The following RBFOX3 variants were observed in gnomAD, a reference collection of about 807,000 sequenced individuals.
RBFOX3 encodes RNA binding protein fox-1 homolog 3.
Under a neutral mutation model 48.7 loss-of-function variants are expected in RBFOX3, and 17 were observed. The observed-to-expected ratio is 0.35, with a 90% CI of 0.24 to 0.52. The LOEUF (loss-of-function observed/expected upper bound fraction) is 0.52. Among genes scored for constraint, RBFOX3 ranks in the 20% least tolerant of loss-of-function variants. RBFOX3 has a pLI of 0.94. For synonymous variants in RBFOX3, 212 were observed against 209.5 expected (o/e 1.01, Z -0.10); for missense variants, 382 against 497.5 (o/e 0.77, Z 2.21).
intron 1 of RBFOX3, among the ~76,000 whole-genome samples, chr17:79,509,038 A>T (rs2083648661): frequency 6.6e-6 from 1 of 152,138 alleles, no homozygotes; most frequent in African/African-American, 2.4e-5. Flanking sequence ...AGGCTGACGA[A>T]GTCAGAGCCC....
intron 1 of RBFOX3, among the ~76,000 whole-genome samples, chr17:79,563,517 T>C (rs1853841192): frequency 6.6e-6 from 1 of 152,254 alleles, no homozygotes; most frequent in South Asian, 2.1e-4. Context: ...GGAGTGCCTG[T>C]TTCACCACAA....
rs2088636235 is a variant in RBFOX3 at position 79,535,857 on chromosome 17, C to G, written c.-319-53259G>C. Among the ~76,000 whole-genome samples the G allele has an allele frequency of 6.6e-6, 1 of 152,224 alleles. No homozygotes were observed. The highest frequency in any genetic ancestry group is 2.1e-4 in the South Asian group (1 of 4,808). On this transcript the variant is annotated intron_variant, in intron 1 of 14. Coordinates refer to ENST00000693108, the MANE Select transcript of RBFOX3 (RefSeq NM_001350451.2). The surrounding 1 kb of genome is among the most constrained non-coding windows in gnomAD (Gnocchi z 4.5). ...GGGCCGTGGGTTGATCTCTGCTCCCCCTCAGTCACAAACCCACTCCTGGTT... is the reference window on the plus strand; with the variant it reads ...GGGCCGTGGGTTGATCTCTGCTCCCGCTCAGTCACAAACCCACTCCTGGTT...
At chr17:79,388,668 T>A (rs1327844042) in intron 2 of RBFOX3, among the ~76,000 whole-genome samples, 1 of 152,174 alleles carries the variant, frequency 6.6e-6, no homozygotes, top group African/African-American at 2.4e-5. Context: ...TACCCTCTAG[T>A]GGCCACGGAG....
chr17:79,225,344 G>A (rs1274960053), intron 4 of RBFOX3, among the ~76,000 whole-genome samples: 1 of 144,884 alleles, frequency 6.9e-6, no homozygotes, highest in Non-Finnish European at 1.5e-5. Context: ...AGGCTGGAAT[G>A]CAGTGGCACC....
At chr17:79,406,637 C>T (rs528350674) in intron 2 of RBFOX3, among the ~76,000 whole-genome samples, 14 of 152,254 alleles carry the variant, frequency 9.2e-5, no homozygotes, top group African/African-American at 2.6e-4. Flanking sequence ...GTAAATGTGA[C>T]GCGGCGCTGA....
In RBFOX3 at chr17:79,198,717, C is replaced by T. The variant is rs1017417877; in HGVS notation, c.-34+37049G>A. 9.9e-5 allele frequency among the ~76,000 whole-genome samples: 15 copies of T among 152,150 alleles called. No individual in the cohort carries two copies. The highest frequency in any genetic ancestry group is 9.8e-4 in the Admixed American group (15 of 15,270). On this transcript the variant is annotated intron_variant, in intron 4 of 14. Transcript: ENST00000693108. The surrounding 1 kb of genome is among the most constrained non-coding windows in gnomAD (Gnocchi z 8.2). ...CTAGGCTCGTTGCAACCTCCACCTT[C>T]CGGGTTCAAGCGATTCTCCTGCCTC... is the stretch of plus-strand genomic sequence containing the variant.
intron 4 of RBFOX3, among the ~76,000 whole-genome samples, chr17:79,228,334 G>A (rs965273357): frequency 6.6e-5 from 10 of 152,248 alleles, no homozygotes; most frequent in Non-Finnish European, 1.5e-4. Context: ...GACGCCTCCC[G>A]CTCCCTGAAA....
At chr17:79,661,635 T>G in the RBFOX3 span, among the ~76,000 whole-genome samples, 1 of 152,240 alleles carries the variant, frequency 6.6e-6, no homozygotes, top group East Asian at 1.9e-4. Flanking sequence ...GTAGCTGGGT[T>G]CTGGGGCAGG....
In RBFOX3 at chr17:79,111,768, T is replaced by C. The variant is rs1003199074; in HGVS notation, c.222+3726A>G. On this transcript the variant is annotated intron_variant, in intron 5 of 14. Coordinates refer to ENST00000693108, the MANE Select transcript of RBFOX3 (RefSeq NM_001350451.2). This position sits in a 1 kb window ranked among gnomAD's most constrained non-coding sequence, Gnocchi z 4.2. Reference sequence around the variant, plus strand: ...CTGAGGGTCCCTTGAGCACAAAGACTCCCAAGGGCCCACAGTACTGGCACC... The same window carrying C: ...CTGAGGGTCCCTTGAGCACAAAGACCCCCAAGGGCCCACAGTACTGGCACC... Among the ~76,000 whole-genome samples, 8 of 152,138 alleles carry C rather than the reference T, an allele frequency of 5.3e-5. No individual in the cohort carries two copies. Among genetic ancestry groups the C allele is most frequent in the Admixed American group, 1.3e-4 (2 of 15,280 alleles).
At chr17:79,486,795 G>A (rs1043809743) in intron 1 of RBFOX3, among the ~76,000 whole-genome samples, 18 of 152,102 alleles carry the variant, frequency 1.2e-4, no homozygotes, top group African/African-American at 4.3e-4. Flanking sequence ...TCTCAGAGAA[G>A]GATTTTAAAG....
rs2057263498 is a variant in RBFOX3, at chr17:79,204,581, G to C, written c.-34+31185C>G. Among the ~76,000 whole-genome samples, 1 of 152,184 alleles carries C rather than the reference G, an allele frequency of 6.6e-6. No homozygotes were observed. Among genetic ancestry groups the C allele is most frequent in the African/African-American group, 2.4e-5 (1 of 41,450 alleles). ...CCGAAGGCCCCAGATGCTGTGAACAGAGAACCCACTAGATGACTCTGTGTC... is the reference window on the plus strand; with the variant it reads ...CCGAAGGCCCCAGATGCTGTGAACACAGAACCCACTAGATGACTCTGTGTC... On this transcript the variant is annotated intron_variant, in intron 4 of 14. Coordinates refer to ENST00000693108, the MANE Select transcript of RBFOX3 (RefSeq NM_001350451.2). The surrounding 1 kb of genome is among the most constrained non-coding windows in gnomAD (Gnocchi z 4.5).
At chr17:79,420,435 G>A (rs542906948) in intron 2 of RBFOX3, among the ~76,000 whole-genome samples, 50 of 152,252 alleles carry the variant, frequency 3.3e-4, no homozygotes, top group Middle Eastern at 3.4e-3. Context: ...GTGAGTCAGC[G>A]GCCCCAGGGC....
intron 3 of RBFOX3, among the ~76,000 whole-genome samples, chr17:79,277,774 G>C (rs931295315): frequency 6.6e-6 from 1 of 152,236 alleles, no homozygotes; most frequent in African/African-American, 2.4e-5. Flanking sequence ...GCAAGGGGAA[G>C]CAGAGGATGG....
Position 79,416,257 on chromosome 17 carries a change from G to A in RBFOX3, c.-175+66197C>T, listed in dbSNP as rs188167014. The stretch of plus-strand genomic sequence containing the variant: ...ACCTGCAACCCTCGGTCAAGGAGTG[G>A]ACCTGGGAGCAGTTACTGCACCCAG... On this transcript the variant is annotated intron_variant, in intron 2 of 14. Coordinates refer to ENST00000693108, the MANE Select transcript of RBFOX3 (RefSeq NM_001350451.2). Among the ~76,000 whole-genome samples the A allele has an allele frequency of 3.1e-3, 467 of 152,322 alleles. 5 individuals are homozygous for A. Among genetic ancestry groups the A allele is most frequent in the African/African-American group, 0.011 (444 of 41,570 alleles).
chr17:79,512,531 G>C (rs1354758914), intron 1 of RBFOX3, among the ~76,000 whole-genome samples: 1 of 132,742 alleles, frequency 7.5e-6, no homozygotes, highest in South Asian at 2.5e-4. Context: ...CCAGATACAT[G>C]TTACCATCGG....
chr17:79,453,518 T>C (rs1388427735), intron 2 of RBFOX3, among the ~76,000 whole-genome samples: 1 of 151,986 alleles, frequency 6.6e-6, no homozygotes, highest in East Asian at 1.9e-4. Flanking sequence ...TCACCCAGAG[T>C]CCCAGGATAA....
At chr17:79,264,618 T>C (rs763179705) in intron 3 of RBFOX3, among the ~76,000 whole-genome samples, 4 of 152,176 alleles carry the variant, frequency 2.6e-5, no homozygotes, top group Admixed American at 6.5e-5. Context: ...AGGAGACTCA[T>C]CCACGTGCTC....
chr17:79,260,038 C>T (rs1341492558), intron 3 of RBFOX3, among the ~76,000 whole-genome samples: 1 of 151,938 alleles, frequency 6.6e-6, no homozygotes, highest in Non-Finnish European at 1.5e-5. Context: ...AGATGGTCCT[C>T]ACACCCCTGG....
intron 1 of RBFOX3, among the ~76,000 whole-genome samples, chr17:79,521,566 A>T (rs1399896943): frequency 6.6e-6 from 1 of 152,140 alleles, no homozygotes; most frequent in Non-Finnish European, 1.5e-5. Flanking sequence ...TCATGCACAG[A>T]AACATACTCC....
Sources: gnomAD v4.1 joint callset for allele counts (sites outside exome capture counted in the v4.1 genomes callset) on GRCh38, gnomAD v4.1.1 for gene constraint, Gnocchi (gnomAD v3.1) non-coding constraint, MANE v1.5 for transcripts, NCBI Gene and HGNC (gene_info 2026-07-23, HGNC 2026-07-21) for gene names.